XKR4: variants seen among roughly 807,000 people sequenced by gnomAD.
XKR4 encodes the protein XK-related protein 4.
In XKR4, 12 loss-of-function variants were observed where a neutral mutation model predicts 53.9. That is an observed-to-expected ratio of 0.22 (90% CI 0.14 to 0.36). The LOEUF is 0.36. Among genes scored for constraint, XKR4 ranks in the 10% least tolerant of loss-of-function variants. XKR4 has a pLI of 1.00. For synonymous variants in XKR4, 354 were observed against 362.4 expected (o/e 0.98, Z 0.26); for missense variants, 799 against 859.5 (o/e 0.93, Z 0.88).
chr8:55,484,592 T>C (rs555985459), intron 2 of XKR4, among the ~76,000 whole-genome samples: 1 of 152,352 alleles, frequency 6.6e-6, no homozygotes, highest in Non-Finnish European at 1.5e-5. Context: ...TGTTTAATTT[T>C]ATGTGTCCAC....
intron 1 of XKR4, among the ~76,000 whole-genome samples, chr8:55,312,951 T>C (rs1819408583): frequency 1.3e-5 from 2 of 152,220 alleles, no homozygotes; most frequent in African/African-American, 2.4e-5. Flanking sequence ...CTAGATTCTT[T>C]AAACAAGACA....
chr8:55,250,713 G>A (rs1818351366), intron 1 of XKR4, among the ~76,000 whole-genome samples: 1 of 152,066 alleles, frequency 6.6e-6, no homozygotes, highest in Non-Finnish European at 1.5e-5. Context: ...CATCTTATTT[G>A]AAATGGAAAA....
chr8:55,304,179 A>G (rs996889297), intron 1 of XKR4, among the ~76,000 whole-genome samples: 11 of 152,150 alleles, frequency 7.2e-5, no homozygotes, highest in Non-Finnish European at 1.5e-4. Flanking sequence ...AATGTGTCCC[A>G]GAGATTCTGG....
At chr8:55,152,490 G>T (rs1038619634) in intron 1 of XKR4, among the ~76,000 whole-genome samples, 1 of 151,848 alleles carries the variant, frequency 6.6e-6, no homozygotes, top group African/African-American at 2.4e-5. Context: ...AAATTTTTTT[G>T]TCTTCAAAGA....
chr8:55,253,311 G>C (rs975124693), intron 1 of XKR4, among the ~76,000 whole-genome samples: 2 of 152,064 alleles, frequency 1.3e-5, no homozygotes, highest in African/African-American at 4.8e-5. Flanking sequence ...ACATGCCTCT[G>C]TGTTGCTTTC....
intron 2 of XKR4, among the ~76,000 whole-genome samples, chr8:55,407,438 G>T (rs1418008330): frequency 6.6e-6 from 1 of 152,234 alleles, no homozygotes; most frequent in Non-Finnish European, 1.5e-5. Flanking sequence ...TAGAAGAGCT[G>T]CAGTGTCACC....
intron 1 of XKR4, among the ~76,000 whole-genome samples, chr8:55,303,958 T>G (rs1819248675): frequency 6.6e-6 from 1 of 152,196 alleles, no homozygotes; most frequent in African/African-American, 2.4e-5. Flanking sequence ...GCTCCTGGAT[T>G]CATTGATTTT....
intron 1 of XKR4, among the ~76,000 whole-genome samples, chr8:55,200,103 C>T (rs150890340): frequency 5.9e-5 from 9 of 152,264 alleles, no homozygotes; most frequent in African/African-American, 2.2e-4. Context: ...CTGGTTCTGT[C>T]ACCTAGGCTG....
chr8:55,319,858 G>T (rs1803181141), intron 1 of XKR4, among the ~76,000 whole-genome samples: 1 of 152,188 alleles, frequency 6.6e-6, no homozygotes, highest in Non-Finnish European at 1.5e-5. Flanking sequence ...TGGTAGAAAT[G>T]AAATTCATGT....
chr8:55,211,545 G>A (rs1042683452), intron 1 of XKR4, among the ~76,000 whole-genome samples: 1 of 152,086 alleles, frequency 6.6e-6, no homozygotes, highest in East Asian at 1.9e-4. Flanking sequence ...TAAAATTACT[G>A]TTTCTCTGTC....
At chr8:55,153,830 G>A (rs191588197) in intron 1 of XKR4, among the ~76,000 whole-genome samples, 4 of 151,208 alleles carry the variant, frequency 2.6e-5, no homozygotes, top group East Asian at 1.9e-4. Flanking sequence ...GATACTATGC[G>A]AATCCACTTG....
intron 1 of XKR4, among the ~76,000 whole-genome samples, chr8:55,166,182 A>C (rs1391645006): frequency 6.6e-6 from 1 of 152,216 alleles, no homozygotes; most frequent in African/African-American, 2.4e-5. Flanking sequence ...ATCAGCAATA[A>C]AAAATTGCTC....
At position 55,304,934 on chromosome 8, in the gene XKR4, G is replaced by A. The variant is rs982842735; in HGVS notation, c.807-52744G>A. Among the ~76,000 whole-genome samples, 9 of 152,002 alleles carry A rather than the reference G, an allele frequency of 5.9e-5. 1 individual carries two copies. Among genetic ancestry groups the A allele is most frequent in the Admixed American group, 5.9e-4 (9 of 15,252 alleles). On this transcript the variant is annotated intron_variant, in intron 1 of 2. Transcript: ENST00000327381. The stretch of plus-strand genomic sequence containing the variant: ...AGAAATGATAAGCTTCATCATAACA[G>A]AAAAGAGATAATAACAATAAGATTA...
chr8:55,295,211 G>A (rs1050418358), intron 1 of XKR4, among the ~76,000 whole-genome samples: 7 of 152,196 alleles, frequency 4.6e-5, no homozygotes, highest in African/African-American at 1.7e-4. Context: ...ACATAGGAGG[G>A]AAGAGGAGAT....
chr8:55,389,670 GCAAT>G (rs1246852877), intron 2 of XKR4, among the ~76,000 whole-genome samples: 31 of 152,214 alleles, frequency 2.0e-4, no homozygotes, highest in African/African-American at 7.2e-4. Flanking sequence ...CCAGAGTCTC[GCAAT>G]CATTTACTCA....
intron 2 of XKR4, among the ~76,000 whole-genome samples, chr8:55,508,838 A>G (rs1412055703): frequency 6.6e-6 from 1 of 152,236 alleles, no homozygotes; most frequent in Admixed American, 6.5e-5. Context: ...CATCAGGGTC[A>G]CCGAACTCAG....
rs929695443 is a variant in XKR4, at chr8:55,204,079, T to A, written c.806+100785T>A. Among the ~76,000 whole-genome samples, 5 of 152,150 alleles carry A rather than the reference T, an allele frequency of 3.3e-5. No individual in the cohort carries two copies. The South Asian group carries it at 1.0e-3, about 32-fold the overall frequency. On this transcript the variant is annotated intron_variant, in intron 1 of 2. Coordinates refer to ENST00000327381, the MANE Select transcript of XKR4 (RefSeq NM_052898.2). The stretch of plus-strand genomic sequence containing the variant: ...AGGCTGGAGTACAGTGGTGTAATCA[T>A]AGCTCACTGCAGCCTCAACCTCCCG...
At chr8:55,419,357 C>A (rs1804893450) in intron 2 of XKR4, among the ~76,000 whole-genome samples, 1 of 152,296 alleles carries the variant, frequency 6.6e-6, no homozygotes, top group Non-Finnish European at 1.5e-5. Context: ...TGCACTCCAG[C>A]CTGGGCAACA....
chr8:55,178,836 C>T (rs137965121), intron 1 of XKR4, among the ~76,000 whole-genome samples: 2 of 152,310 alleles, frequency 1.3e-5, no homozygotes, highest in Non-Finnish European at 2.9e-5. Context: ...TCCTATCTTG[C>T]TTCCTACTGT....
Sources: allele counts gnomAD v4.1 joint callset (sites outside exome capture counted in the v4.1 genomes callset), GRCh38; gene constraint gnomAD v4.1.1; transcripts MANE v1.5; gene names NCBI Gene and HGNC (gene_info 2026-07-23, HGNC 2026-07-21).